The following SGCD variants were observed in gnomAD, a reference collection of about 807,000 sequenced individuals.
SGCD encodes the protein delta-sarcoglycan.
Under a neutral mutation model 36.6 loss-of-function variants are expected in SGCD, and 18 were observed. The observed-to-expected ratio is 0.49, with a 90% confidence interval of 0.34 to 0.73. The LOEUF is 0.73. Among genes scored for constraint, SGCD ranks in the 30% least tolerant of loss-of-function variants. The pLI is 0.01. For synonymous variants in SGCD, 133 were observed against 130.6 expected, an observed-to-expected ratio of 1.02 and a Z score of -0.12; for missense variants, 387 against 346.7, an observed-to-expected ratio of 1.12 and a Z score of -0.92.
chr5:156,618,657 C>G (rs960200536), intron 6 of SGCD, among the ~76,000 whole-genome samples: 1 of 151,268 alleles, frequency 6.6e-6, no homozygotes. Flanking sequence ...TAGTAGCGCG[C>G]ATTCACCCAC....
At chr5:156,654,201 C>G (rs753086228) in intron 7 of SGCD, among the ~76,000 whole-genome samples, 24 of 152,220 alleles carry the variant, frequency 1.6e-4, no homozygotes, top group Admixed American at 2.0e-4. Context: ...ATATGCCTTT[C>G]TTCACAGGGG....
At chr5:156,585,450 C>A (rs1179090821) in intron 4 of SGCD, among the ~76,000 whole-genome samples, 1 of 152,158 alleles carries the variant, frequency 6.6e-6, no homozygotes, top group African/African-American at 2.4e-5. Context: ...AATGACAAAT[C>A]TCACTTTGTA....
chr5:156,723,051 A>C (rs1755589072), intron 7 of SGCD, among the ~76,000 whole-genome samples: 1 of 152,266 alleles, frequency 6.6e-6, no homozygotes, highest in Non-Finnish European at 1.5e-5. Flanking sequence ...TGAAGTTCTG[A>C]GTAGTCCTTT....
At chr5:156,470,248 T>C (rs1581039009) in intron 3 of SGCD, among the ~76,000 whole-genome samples, 1 of 152,314 alleles carries the variant, frequency 6.6e-6, no homozygotes, top group East Asian at 1.9e-4. Flanking sequence ...ACTTCTGGGA[T>C]ATTACGTGAG....
the SGCD span, among the ~76,000 whole-genome samples, chr5:155,739,959 T>G: frequency 6.6e-6 from 1 of 152,228 alleles, no homozygotes; most frequent in Admixed American, 6.5e-5. Flanking sequence ...ACTAGACAAT[T>G]CTGCCTCCCT....
At chr5:155,759,152 A>G in the SGCD span, among the ~76,000 whole-genome samples, 1 of 152,072 alleles carries the variant, frequency 6.6e-6, no homozygotes, top group Admixed American at 6.5e-5. Flanking sequence ...TGACTTTTCA[A>G]GATTTGATGA....
intron 7 of SGCD, among the ~76,000 whole-genome samples, chr5:156,668,384 T>G (rs1753142951): frequency 6.6e-6 from 1 of 152,240 alleles, no homozygotes; most frequent in Admixed American, 6.5e-5. Context: ...TTTAACTACA[T>G]ATTTCATTTT....
chr5:156,186,973 C>T (rs1763776476), intron 3 of SGCD, among the ~76,000 whole-genome samples: 1 of 152,118 alleles, frequency 6.6e-6, no homozygotes, highest in Non-Finnish European at 1.5e-5. Context: ...ACTCAAAAGT[C>T]AAGAATGTAC....
intron 3 of SGCD, among the ~76,000 whole-genome samples, chr5:156,207,391 C>T (rs1764308913): frequency 6.6e-6 from 1 of 152,156 alleles, no homozygotes; most frequent in African/African-American, 2.4e-5. Flanking sequence ...TTTCAAACCT[C>T]TAAAATGTGA....
chr5:156,191,139 C>T (rs904498014), intron 3 of SGCD, among the ~76,000 whole-genome samples: 1 of 151,942 alleles, frequency 6.6e-6, no homozygotes, highest in African/African-American at 2.4e-5. Flanking sequence ...TTACAGAGTA[C>T]ATGATATCCA....
At chr5:156,398,414 C>T (rs554492461) in intron 3 of SGCD, among the ~76,000 whole-genome samples, 2 of 152,250 alleles carry the variant, frequency 1.3e-5, no homozygotes, top group East Asian at 1.9e-4. Flanking sequence ...ATGAAATGAT[C>T]TATTAGTTTT....
intron 4 of SGCD, among the ~76,000 whole-genome samples, chr5:156,546,981 T>A (rs1758601149): frequency 6.6e-6 from 1 of 152,200 alleles, no homozygotes; most frequent in Admixed American, 6.5e-5. Flanking sequence ...AAAATTGAAC[T>A]GTTACAATTC....
chr5:156,229,400 A>G (rs977543251), intron 3 of SGCD, among the ~76,000 whole-genome samples: 1 of 149,832 alleles, frequency 6.7e-6, no homozygotes, highest in African/African-American at 2.5e-5. Flanking sequence ...TCTGAAAAAG[A>G]CCTTATCTTT....
intron 3 of SGCD, among the ~76,000 whole-genome samples, chr5:156,423,884 T>C (rs1181606027): frequency 2.6e-5 from 4 of 152,092 alleles, no homozygotes; most frequent in Non-Finnish European, 4.4e-5. Context: ...AAGGAGTAAG[T>C]ACCTGGTACA....
the SGCD span, among the ~76,000 whole-genome samples, chr5:155,744,270 G>A: frequency 6.6e-6 from 1 of 151,994 alleles, no homozygotes; most frequent in East Asian, 1.9e-4. Flanking sequence ...GACCATCCTG[G>A]CTAACACGGT....
rs185108264 is a variant in SGCD at position 156,372,345 on chromosome 5, T to C, written c.192+27668T>C. 2.0e-5 allele frequency among the ~76,000 whole-genome samples: 3 copies of C among 152,348 alleles called. No homozygotes were observed. The East Asian group carries it at 5.8e-4, about 29-fold the overall frequency. ...TTACTTTGGTGCAGCTTTTCACAGA[T>C]ATGTGATGCAATAAGAGATGGCCTG... On this transcript the variant is annotated intron_variant, in intron 3 of 8. Transcript: ENST00000337851.
At position 156,285,771 on chromosome 5, in the gene SGCD, C is replaced by G. The variant is rs563467348; in HGVS notation, c.-43-43763C>G. Among the ~76,000 whole-genome samples the G allele has an allele frequency of 3.9e-5, 6 of 152,242 alleles. No homozygotes were observed. In the East Asian group the frequency reaches 1.2e-3, roughly 29 times the overall value. On this transcript the variant is annotated intron_variant, in intron 3 of 9. Coordinates refer to the SGCD transcript ENST00000517913. ...TTCAGGACATAGGCATGGGCAAGGACTTCATGTCTAAAACACCAAAAGCAA... is the reference window on the plus strand; with the variant it reads ...TTCAGGACATAGGCATGGGCAAGGAGTTCATGTCTAAAACACCAAAAGCAA...
the SGCD span, among the ~76,000 whole-genome samples, chr5:155,841,865 A>C: frequency 1.3e-5 from 2 of 152,172 alleles, no homozygotes; most frequent in South Asian, 4.1e-4. Flanking sequence ...TCCCTCTCCC[A>C]GTCCTGGCCA....
At chr5:155,787,413 G>T in the SGCD span, among the ~76,000 whole-genome samples, 4 of 152,086 alleles carry the variant, frequency 2.6e-5, no homozygotes, top group Non-Finnish European at 4.4e-5. Flanking sequence ...GCATATTATT[G>T]TTTAATATCA....
Sources: allele counts gnomAD v4.1 joint callset (sites outside exome capture counted in the v4.1 genomes callset), GRCh38; gene constraint gnomAD v4.1.1; transcripts MANE v1.5; gene names NCBI Gene and HGNC (gene_info 2026-07-23, HGNC 2026-07-21).